The following ZNF727 variants were observed in gnomAD, a reference collection of about 807,000 sequenced individuals.
ZNF727 encodes the protein zinc finger protein 727.
Under a neutral mutation model 11.5 loss-of-function variants are expected in ZNF727, and 11 were observed. That is an observed-to-expected ratio of 0.95 (90% confidence interval 0.60 to 1.58). ZNF727 has a LOEUF of 1.58. ZNF727 is among the 40% of genes most tolerant of loss of function. The pLI is 0.00. For missense variants in ZNF727, 533 were observed against 581.7 expected (o/e 0.92, Z 0.86); for synonymous variants, 171 against 196.1 (o/e 0.87, Z 1.07).
intron 1 of ZNF727, among the ~76,000 whole-genome samples, chr7:64,048,384 G>T (rs1789541638): frequency 6.6e-6 from 1 of 152,144 alleles, no homozygotes; most frequent in African/African-American, 2.4e-5. Context: ...TGCTACCTGG[G>T]AAAAGACAGA....
chr7:64,060,042 G>C (rs111881014), intron 1 of ZNF727, among the ~76,000 whole-genome samples: 9,997 of 152,010 alleles, frequency 0.066, 392 homozygotes, highest in African/African-American at 0.099. Context: ...TTTTGCTTTT[G>C]AATATAGCCA....
chr7:64,077,202 A>G (rs1211994832), intron 3 of ZNF727, 74 bp from the exon 4 acceptor site: 2 of 1,335,600 alleles, frequency 1.5e-6, no homozygotes, highest in Non-Finnish European at 2.0e-6. Flanking sequence ...TGCTTTGTAT[A>G]ATTATATATT....
intron 1 of ZNF727, among the ~76,000 whole-genome samples, chr7:64,063,245 C>T (rs1053852026): frequency 3.5e-4 from 53 of 152,164 alleles, no homozygotes; most frequent in African/African-American, 1.2e-3. Context: ...TTTTTAATAC[C>T]TGTCCTTCTT....
chr7:64,046,499 G>C (rs1336136817), intron 1 of ZNF727, among the ~76,000 whole-genome samples: 1 of 152,116 alleles, frequency 6.6e-6, no homozygotes, highest in African/African-American at 2.4e-5. Context: ...TTGACCTCTC[G>C]ATAGTGACTG....
intron 1 of ZNF727, 92 bp from the exon 2 acceptor site, chr7:64,068,799 A>C: frequency 7.0e-7 from 1 of 1,422,230 alleles, no homozygotes; most frequent in Non-Finnish European, 9.7e-7. Context: ...AACTCATATA[A>C]GTCAGAACCA....
chr7:64,078,225 A>C lies in ZNF727; in HGVS notation c.1176A>C (p.Gly392=). 1.2e-6 allele frequency: 2 copies of C among 1,606,894 alleles called. No homozygotes were observed. Among genetic ancestry groups the C allele is most frequent in the African/African-American group, 2.7e-5 (2 of 74,744 alleles). The change falls in exon 4 of 4, where the codon GGA becomes GGC. Residue 392 remains glycine (G), a synonymous_variant. Coordinates refer to ENST00000456806, the MANE Select transcript of ZNF727 (RefSeq NM_001159522.3). ...DLTNHKRIHT[G]EKPYKCEECG... is the part of the protein sequence containing the mutation. ...CTAATCATAAGAGAATTCACACTGG[A>C]GAGAAACCCTACAAATGTGAAGAAT...
intron 1 of ZNF727, among the ~76,000 whole-genome samples, chr7:64,046,096 G>T (rs965794655): frequency 1.3e-5 from 2 of 152,134 alleles, no homozygotes; most frequent in African/African-American, 4.8e-5. Context: ...GCTCACTGCA[G>T]CCTCCACCTC....
At chr7:64,050,893 G>T (rs1196853251) in intron 1 of ZNF727, among the ~76,000 whole-genome samples, 1 of 151,146 alleles carries the variant, frequency 6.6e-6, no homozygotes, top group Non-Finnish European at 1.5e-5. Flanking sequence ...TTTAAATTTA[G>T]ATTTTACCCA....
chr7:64,064,675 C>G (rs887737450), intron 1 of ZNF727, among the ~76,000 whole-genome samples: 1 of 152,100 alleles, frequency 6.6e-6, no homozygotes, highest in Admixed American at 6.5e-5. Flanking sequence ...TTATTTAGAA[C>G]CCCAGAGTGC....
intron 1 of ZNF727, among the ~76,000 whole-genome samples, chr7:64,064,263 G>C (rs183489024): frequency 6.6e-6 from 1 of 152,188 alleles, no homozygotes; most frequent in Admixed American, 6.6e-5. Context: ...AGGGCTGCAA[G>C]AAGTACTACT....
intron 1 of ZNF727, among the ~76,000 whole-genome samples, chr7:64,054,456 AAT>A (rs1287819671): frequency 6.6e-6 from 1 of 152,178 alleles, no homozygotes; most frequent in Non-Finnish European, 1.5e-5. Context: ...TGAGTGTTCT[AAT>A]ATAGATGGTG....
At chr7:64,051,077 A>G (rs1789590786) in intron 1 of ZNF727, among the ~76,000 whole-genome samples, 1 of 152,150 alleles carries the variant, frequency 6.6e-6, no homozygotes, top group Admixed American at 6.5e-5. Context: ...ATTTTTGAGT[A>G]AATAGTTTTC....
chr7:64,063,425 G>A (rs1470850230), intron 1 of ZNF727, among the ~76,000 whole-genome samples: 9 of 152,192 alleles, frequency 5.9e-5, no homozygotes, highest in Admixed American at 1.3e-4. Context: ...GAGAGTCTCT[G>A]GGTTACCAGG....
chr7:64,055,929 TTA>T (rs1410899618), intron 1 of ZNF727, among the ~76,000 whole-genome samples: 3 of 152,196 alleles, frequency 2.0e-5, no homozygotes, highest in Non-Finnish European at 2.9e-5. Context: ...AATGTTCATT[TTA>T]TGTTTGTTTT....
rs796543365 is a variant in ZNF727, at chr7:64,080,864, AGTTTTTTGTTTTTT to A, written c.*2329_*2342del. Among the ~76,000 whole-genome samples the A allele has an allele frequency of 1.3e-5, 2 of 149,786 alleles. No homozygotes were observed. The highest frequency in any genetic ancestry group is 6.7e-5 in the Admixed American group (1 of 15,022). Reference sequence around the variant, plus strand: ...TCAGCCAACAGGCTTTGTTCCTGGGAGTTTTTTGTTTTTTGTTTTTTGTTTTTGTTTTTTTTTTT... The same window carrying A: ...TCAGCCAACAGGCTTTGTTCCTGGGAGTTTTTTGTTTTTGTTTTTTTTTTT... On this transcript the variant is annotated 3_prime_UTR_variant, in exon 4 of 4. Transcript: ENST00000456806.
At chr7:64,064,719 A>G (rs1789835821) in intron 1 of ZNF727, among the ~76,000 whole-genome samples, 1 of 152,152 alleles carries the variant, frequency 6.6e-6, no homozygotes, top group Non-Finnish European at 1.5e-5. Flanking sequence ...CTGAAACTAA[A>G]GTTTTGATTA....
Position 64,077,383 on chromosome 7 carries a change from C to A in ZNF727, c.334C>A (p.Arg112Ser). The A allele has an allele frequency of 1.3e-6, 2 of 1,551,506 alleles. No homozygotes were observed. The highest frequency in any genetic ancestry group is 1.2e-5 in the South Asian group (1 of 84,054). Residue 112 changes from arginine to serine, a missense_variant, in exon 4 of 4, where the codon CGT becomes AGT. Physicochemically the swap from Arg to Ser is moderately radical, Grantham distance 110. Transcript: ENST00000456806. ...TGGAAGCTGTGACCTTAATACTTTACGTTTAAAGAAAGACTACCAACGTGT... is the reference window on the plus strand; with the variant it reads ...TGGAAGCTGTGACCTTAATACTTTAAGTTTAAAGAAAGACTACCAACGTGT... ...KSGSCDLNTL[R>S]LKKDYQRVGN...
At chr7:64,049,873 A>G (rs1220038711) in intron 1 of ZNF727, among the ~76,000 whole-genome samples, 2 of 151,548 alleles carry the variant, frequency 1.3e-5, no homozygotes, top group Non-Finnish European at 3.0e-5. Context: ...CACATTACAA[A>G]ACAATTAGTA....
At chr7:64,051,756 G>GA (rs1584140978) in intron 1 of ZNF727, among the ~76,000 whole-genome samples, 1 of 152,104 alleles carries the variant, frequency 6.6e-6, no homozygotes, top group East Asian at 1.9e-4. Flanking sequence ...GAAAAGACTG[G>GA]AAAAAGTTAA....
Sources: gnomAD v4.1 joint callset for allele counts (sites outside exome capture counted in the v4.1 genomes callset) on GRCh38, gnomAD v4.1.1 for gene constraint, MANE v1.5 for transcripts, NCBI Gene and HGNC (gene_info 2026-07-23, HGNC 2026-07-21) for gene names.